The following CCDC7 variants were observed in gnomAD, a reference collection of about 807,000 sequenced individuals.
The protein encoded by CCDC7 is coiled-coil domain containing 7.
In CCDC7, 183 loss-of-function variants were observed where a neutral mutation model predicts 196.9. That is an observed-to-expected ratio of 0.93 (90% CI 0.82 to 1.05). The LOEUF (loss-of-function observed/expected upper bound fraction) is 1.05. Ranked by LOEUF, CCDC7 falls within the 50% of genes least tolerant of loss-of-function variation. The pLI, the probability that CCDC7 is intolerant of heterozygous loss-of-function variation, is 0.00. For synonymous variants in CCDC7, 525 were observed against 484.6 expected (o/e 1.08, Z -1.10); for missense variants, 1,540 against 1,482.2 (o/e 1.04, Z -0.64).
At chr10:32,450,192 C>A (rs989966012), upstream of CCDC7, among the ~76,000 whole-genome samples, 2 of 152,120 alleles carry the variant, frequency 1.3e-5, no homozygotes, top group Non-Finnish European at 2.9e-5. Flanking sequence ...AGGGAAGAAT[C>A]TTTCATTGGT....
chr10:32,639,490 C>A (rs557745374), intron 20 of CCDC7, among the ~76,000 whole-genome samples: 1 of 152,066 alleles, frequency 6.6e-6, no homozygotes, highest in Non-Finnish European at 1.5e-5. Context: ...GCCTTCATTT[C>A]GTTATGTACC....
Position 32,582,280 on chromosome 10 carries a change from A to G in CCDC7, c.1455-754A>G, listed in dbSNP as rs17296184. Among the ~76,000 whole-genome samples the G allele has an allele frequency of 7.9e-3, 1,198 of 151,838 alleles. 7 individuals carry two copies. Among genetic ancestry groups the G allele is most frequent in the Middle Eastern group, 0.021 (6 of 292 alleles). ...TGAAAAATTTTTCTTCTGTGAGACC[A>G]AACTTCAAATTATTTTAAACACTTT... On this transcript the variant is annotated intron_variant, in intron 16 of 41. Coordinates refer to ENST00000639629, the Ensembl canonical transcript of CCDC7.
intron 18 of CCDC7, among the ~76,000 whole-genome samples, chr10:32,594,981 G>A (rs1407491503): frequency 1.3e-5 from 2 of 152,154 alleles, no homozygotes; most frequent in African/African-American, 2.4e-5. Flanking sequence ...TTGCATCAAC[G>A]TTCATCAGGG....
At chr10:32,568,481 C>T (rs2057168880) in intron 15 of CCDC7, among the ~76,000 whole-genome samples, 1 of 151,958 alleles carries the variant, frequency 6.6e-6, no homozygotes, top group Non-Finnish European at 1.5e-5. Flanking sequence ...TGTGAACTAC[C>T]TCAACTTCTT....
intron 28 of CCDC7, among the ~76,000 whole-genome samples, chr10:32,740,513 A>G (rs539337788): frequency 6.6e-6 from 1 of 152,288 alleles, no homozygotes; most frequent in African/African-American, 2.4e-5. Flanking sequence ...TTCATATACA[A>G]GTTCCACAGG....
At chr10:32,783,730 G>T (rs1377383562) in intron 29 of CCDC7, among the ~76,000 whole-genome samples, 1 of 152,146 alleles carries the variant, frequency 6.6e-6, no homozygotes, top group Non-Finnish European at 1.5e-5. Flanking sequence ...TTAGCCAAAA[G>T]TTGTAAACAA....
chr10:32,797,432 A>G (rs182474281), intron 29 of CCDC7, among the ~76,000 whole-genome samples: 18 of 152,154 alleles, frequency 1.2e-4, no homozygotes, highest in Admixed American at 3.3e-4. Flanking sequence ...CAAGCATTGT[A>G]TGTTCTCACT....
intron 21 of CCDC7, among the ~76,000 whole-genome samples, chr10:32,664,932 C>A (rs117353098): frequency 0.039 from 5,883 of 152,140 alleles, 118 homozygotes; most frequent in Middle Eastern, 0.051. Context: ...TTCCCACCAA[C>A]AGTGTACAAG....
chr10:32,844,616 T>G (rs750536082), intron 33 of CCDC7, among the ~76,000 whole-genome samples: 2 of 151,858 alleles, frequency 1.3e-5, no homozygotes, highest in Non-Finnish European at 3.0e-5. Flanking sequence ...CATCATAAAC[T>G]TTCTAGGATA....
In CCDC7 at chr10:32,610,091, A is replaced by G. The variant is rs145190474; in HGVS notation, c.1802-24163A>G. Among the ~76,000 whole-genome samples, 501 of 151,690 alleles carry G rather than the reference A, an allele frequency of 3.3e-3. 2 individuals carry two copies. The highest frequency in any genetic ancestry group is 0.011 in the African/African-American group (442 of 41,280). On this transcript the variant is annotated intron_variant, in intron 18 of 41. Coordinates refer to ENST00000639629, the Ensembl canonical transcript of CCDC7. ...CTTTTTAAATATATTTAGGGGGTAC[A>G]TATGCAGATTTCTTGTTTGTTTGTT...
intron 41 of CCDC7, among the ~76,000 whole-genome samples, chr10:32,871,449 C>T (rs1030456317): frequency 4.0e-5 from 6 of 151,448 alleles, no homozygotes; most frequent in African/African-American, 1.2e-4. Context: ...TGGTGATATC[C>T]CCTTTATCAT....
At chr10:32,806,981 G>A (rs1188673002) in intron 30 of CCDC7, among the ~76,000 whole-genome samples, 2 of 152,214 alleles carry the variant, frequency 1.3e-5, no homozygotes, top group East Asian at 3.9e-4. Flanking sequence ...CATTCAAAAA[G>A]CTAAATGAAG....
At chr10:32,610,535 T>G (rs2062004026) in intron 18 of CCDC7, among the ~76,000 whole-genome samples, 3 of 152,196 alleles carry the variant, frequency 2.0e-5, no homozygotes, top group Non-Finnish European at 4.4e-5. Flanking sequence ...ACGCGTCATC[T>G]ACATTAGGTA....
intron 24 of CCDC7, among the ~76,000 whole-genome samples, chr10:32,695,935 A>G (rs2077655317): frequency 6.6e-6 from 1 of 152,138 alleles, no homozygotes; most frequent in Non-Finnish European, 1.5e-5. Flanking sequence ...CCAGGCACAC[A>G]ATGCCTTAAG....
chr10:32,828,744 C>T (rs1475165166), intron 32 of CCDC7, among the ~76,000 whole-genome samples: 1 of 152,124 alleles, frequency 6.6e-6, no homozygotes, highest in Non-Finnish European at 1.5e-5. Flanking sequence ...TCTGAATCAG[C>T]ATCCAATATA....
chr10:32,819,047 A>T (rs2089539571), intron 31 of CCDC7, among the ~76,000 whole-genome samples: 2 of 152,204 alleles, frequency 1.3e-5, no homozygotes, highest in Admixed American at 6.5e-5. Flanking sequence ...GAAAAGATCA[A>T]CAAAATTGAT....
chr10:32,623,756 C>A (rs1423428012), intron 18 of CCDC7: 1 of 470,186 alleles, frequency 2.1e-6, no homozygotes, highest in Non-Finnish European at 4.4e-6. Flanking sequence ...CTGCTTCTGG[C>A]GAGGGCCTCA....
intron 29 of CCDC7, among the ~76,000 whole-genome samples, chr10:32,795,845 A>C (rs1212065760): frequency 6.6e-6 from 1 of 152,190 alleles, no homozygotes; most frequent in African/African-American, 2.4e-5. Flanking sequence ...GGGGGTTCCC[A>C]AAGGTGTGGG....
Position 32,674,010 on chromosome 10 carries a change from T to C in CCDC7, c.2122+9849T>C, listed in dbSNP as rs575206848. On this transcript the variant is annotated intron_variant, in intron 21 of 41. Transcript: ENST00000639629. ...ATTTGAGTCTTCTCTTTTTAATAAT[T>C]AATCTAGCTAATAGTGTGTCAATTT... 1.6e-4 allele frequency among the ~76,000 whole-genome samples: 24 copies of C among 152,056 alleles called. No individual in the cohort carries two copies. In the South Asian group the frequency reaches 5.0e-3, roughly 32 times the overall value.
Sources: gnomAD v4.1 joint callset for allele counts (sites outside exome capture counted in the v4.1 genomes callset) on GRCh38, gnomAD v4.1.1 for gene constraint, MANE v1.5 for transcripts, NCBI Gene and HGNC (gene_info 2026-07-23, HGNC 2026-07-21) for gene names.